The following ATG7 variants were observed in gnomAD, a reference collection of about 807,000 sequenced individuals.
The protein encoded by ATG7 is autophagy related 7, also known as ubiquitin-like modifier-activating enzyme ATG7.
A neutral mutation model predicts 82.4 loss-of-function variants in ATG7; 70 were observed. The ratio of observed to expected loss-of-function variants is 0.85; its 90% confidence interval spans 0.70 to 1.04. The LOEUF is 1.04. Ranked by LOEUF, ATG7 falls within the 50% of genes least tolerant of loss-of-function variation. The probability of loss-of-function intolerance (pLI) is 0.00; values close to 1 mark genes in which losing one functional copy is unlikely to be tolerated. For synonymous variants in ATG7, 287 were observed against 313.0 expected, an observed-to-expected ratio of 0.92 and a Z score of 0.88; for missense variants, 792 against 864.3, an observed-to-expected ratio of 0.92 and a Z score of 1.05.
chr3:11,495,346 C>G (rs1026906294), intron 20 of ATG7, among the ~76,000 whole-genome samples: 7 of 152,080 alleles, frequency 4.6e-5, no homozygotes, highest in African/African-American at 1.4e-4. Flanking sequence ...ACTGCTAAAG[C>G]TTTACCGGGT....
At chr3:11,550,647 C>G (rs536748268) in intron 20 of ATG7, among the ~76,000 whole-genome samples, 1 of 152,206 alleles carries the variant, frequency 6.6e-6, no homozygotes, top group African/African-American at 2.4e-5. Context: ...ATCCTCCCGC[C>G]TCAGCCTCCC....
At chr3:11,300,797 T>G (rs13081232) in intron 5 of ATG7, among the ~76,000 whole-genome samples, 31,236 of 152,168 alleles carry the variant, frequency 0.21, 3,583 homozygotes, top group South Asian at 0.36. Context: ...ACCTGAGATA[T>G]TCAACACTTT....
Position 11,362,867 on chromosome 3 carries a change from GC to G in ATG7, c.1740del (p.Val581Ter). ...QQCTVSRPGL[A>X]VIAGALAVEL... ...GTGCACTGTGAGTCGTCCAGGACTG[GC>G]CGTGATTGCAGGAGCCCTGGCCGTG... On this transcript the variant is annotated frameshift_variant, in exon 17 of 21. Transcript: ENST00000693202. LOFTEE classifies it high-confidence loss of function. The G allele has an allele frequency of 6.2e-7, 1 of 1,614,094 alleles. No individual in the cohort carries two copies. The highest frequency in any genetic ancestry group is 8.5e-7 in the Non-Finnish European group (1 of 1,179,972).
intron 3 of ATG7, among the ~76,000 whole-genome samples, chr3:11,287,219 A>G (rs963554227): frequency 3.9e-5 from 6 of 152,220 alleles, no homozygotes; most frequent in African/African-American, 1.4e-4. Context: ...TTGAAAAACA[A>G]TACCAAATGT....
chr3:11,492,287 TC>T (rs1257544172), intron 20 of ATG7, among the ~76,000 whole-genome samples: 1 of 152,184 alleles, frequency 6.6e-6, no homozygotes, highest in African/African-American at 2.4e-5. Context: ...CCCTTGCACT[TC>T]CCGAGTGAGG....
intron 1 of ATG7, among the ~76,000 whole-genome samples, chr3:11,278,655 C>T (rs1321244111): frequency 1.3e-5 from 2 of 152,122 alleles, no homozygotes; most frequent in African/African-American, 2.4e-5. Context: ...TTTATTTATT[C>T]ATTCTTTGTT....
chr3:11,334,401 T>C (rs767929684), intron 11 of ATG7, among the ~76,000 whole-genome samples: 4 of 151,764 alleles, frequency 2.6e-5, no homozygotes, highest in Admixed American at 1.3e-4. Context: ...CCCGCCACCA[T>C]GCCCAGCTAA....
Position 11,554,840 on chromosome 3 carries a change from C to A in ATG7, c.2109C>A (p.Ile703=). 6.2e-7 allele frequency: 1 copy of A among 1,613,008 alleles called. No individual in the cohort carries two copies. Among genetic ancestry groups the A allele is most frequent in the South Asian group, 1.1e-5 (1 of 90,998 alleles). The change falls in exon 21 of 21, where the codon ATC becomes ATA. Residue 703 remains isoleucine (I), a synonymous_variant. Coordinates refer to ENST00000693202, the MANE Select transcript of ATG7 (RefSeq NM_001349232.2). The part of the protein sequence containing the change: ...EIWDMSDDET[I] Reference sequence around the variant, plus strand: ...GGGACATGAGCGATGATGAGACCATCTGAGATGGCCCCGCTGTGGGGCTGA... The same window carrying A: ...GGGACATGAGCGATGATGAGACCATATGAGATGGCCCCGCTGTGGGGCTGA...
chr3:11,345,653 G>T (rs149343552), intron 13 of ATG7, among the ~76,000 whole-genome samples: 1 of 151,766 alleles, frequency 6.6e-6, no homozygotes, highest in Non-Finnish European at 1.5e-5. Context: ...CTCATATTAA[G>T]CCTTGCTAGA....
At chr3:11,414,369 T>C (rs1041544875) in intron 19 of ATG7, among the ~76,000 whole-genome samples, 1 of 152,132 alleles carries the variant, frequency 6.6e-6, no homozygotes, top group Admixed American at 6.5e-5. Context: ...CCCAGCCTAG[T>C]CTTATTTATT....
intron 20 of ATG7, among the ~76,000 whole-genome samples, chr3:11,526,672 A>C (rs995558072): frequency 9.2e-5 from 14 of 152,172 alleles, no homozygotes; most frequent in Non-Finnish European, 1.6e-4. Flanking sequence ...AGACAGTGGT[A>C]TCTTTTGCAA....
chr3:11,482,778 T>G lies in ATG7; in HGVS notation c.2079+55852T>G, dbSNP rs2089160966. ...AATCCAGTGCTTTTCAACCCTTTTA[T>G]TATCATTTTTGTACCTTTTTTTTTT... On this transcript the variant is annotated intron_variant, in intron 20 of 20. Coordinates refer to ENST00000693202, the MANE Select transcript of ATG7 (RefSeq NM_001349232.2). Among the ~76,000 whole-genome samples, 7 of 152,072 alleles carry G rather than the reference T, an allele frequency of 4.6e-5. 1 individual carries two copies. The South Asian group carries it at 1.5e-3, about 32-fold the overall frequency.
chr3:11,474,430 G>A (rs1283084290), intron 20 of ATG7, among the ~76,000 whole-genome samples: 1 of 152,022 alleles, frequency 6.6e-6, no homozygotes, highest in Non-Finnish European at 1.5e-5. Flanking sequence ...TGAGACTCTG[G>A]CTCTACAAAA....
At chr3:11,554,252 C>T (rs1380702505) in intron 20 of ATG7, among the ~76,000 whole-genome samples, 1 of 152,234 alleles carries the variant, frequency 6.6e-6, no homozygotes, top group Non-Finnish European at 1.5e-5. Context: ...TGTCTTTGCT[C>T]CAGGCCACCT....
chr3:11,440,965 G>A (rs908054409), intron 20 of ATG7, among the ~76,000 whole-genome samples: 8 of 151,874 alleles, frequency 5.3e-5, no homozygotes, highest in Non-Finnish European at 1.2e-4. Flanking sequence ...ATATAGGCAT[G>A]AGCCACTGTG....
chr3:11,358,279 A>G, intron 14 of ATG7, 139 bp from the exon 15 acceptor site: 1 of 812,518 alleles, frequency 1.2e-6, no homozygotes, highest in South Asian at 1.8e-5. Flanking sequence ...AGGGCGTGGG[A>G]AGGGTGCAGC....
the ATG7 span, among the ~76,000 whole-genome samples, chr3:11,573,960 G>A: frequency 7.4e-3 from 1,130 of 152,272 alleles, 14 homozygotes; most frequent in African/African-American, 0.025. Context: ...AGACACATAC[G>A]GAGGGAAGAA....
At chr3:11,330,482 T>C (rs1301744160) in intron 9 of ATG7, among the ~76,000 whole-genome samples, 1 of 152,218 alleles carries the variant, frequency 6.6e-6, no homozygotes, top group Non-Finnish European at 1.5e-5. Flanking sequence ...GGTGCCTGTA[T>C]CACCTTGGCA....
intron 11 of ATG7, among the ~76,000 whole-genome samples, chr3:11,339,891 A>G (rs1206746116): frequency 6.6e-6 from 1 of 152,196 alleles, no homozygotes; most frequent in Non-Finnish European, 1.5e-5. Context: ...TTTGAGTGGT[A>G]GTGGGGGCTG....
Sources: gnomAD v4.1 joint callset for allele counts (sites outside exome capture counted in the v4.1 genomes callset) on GRCh38, gnomAD v4.1.1 for gene constraint, MANE v1.5 for transcripts, NCBI Gene and HGNC (gene_info 2026-07-23, HGNC 2026-07-21) for gene names.